Variants in ADGRF1 observed in about 807,000 individuals in gnomAD.
ADGRF1 encodes the protein adhesion G protein-coupled receptor F1, also known as G protein-coupled receptor 110.
In ADGRF1, 85 loss-of-function variants were observed where a neutral mutation model predicts 87.2. The ratio of observed to expected loss-of-function variants is 0.97; its 90% CI spans 0.82 to 1.17. The LOEUF (loss-of-function observed/expected upper bound fraction) is 1.17, where lower values mean the gene tolerates loss of function less well. Among genes scored for constraint, ADGRF1 ranks in the 50% most tolerant of loss-of-function variants. The probability of loss-of-function intolerance (pLI) is 0.00; values close to 1 mark genes in which losing one functional copy is unlikely to be tolerated. For missense variants in ADGRF1, 1,169 were observed against 1,077.2 expected, an observed-to-expected ratio of 1.09 and a Z score of -1.19; for synonymous variants, 430 against 408.8, an observed-to-expected ratio of 1.05 and a Z score of -0.63.
At chr6:47,039,735 G>C (rs1780683582) in intron 1 of ADGRF1, among the ~76,000 whole-genome samples, 1 of 152,184 alleles carries the variant, frequency 6.6e-6, no homozygotes, top group South Asian at 2.1e-4. Flanking sequence ...ACCAAGGCCG[G>C]TGGATTACTT....
intron 13 of ADGRF1, among the ~76,000 whole-genome samples, chr6:47,003,493 T>C (rs867444719): frequency 1.3e-5 from 2 of 152,166 alleles, no homozygotes; most frequent in African/African-American, 4.8e-5. Context: ...ATAGAAAACA[T>C]TTGCATCTCT....
chr6:47,027,517 T>C (rs1350593507), intron 3 of ADGRF1, among the ~76,000 whole-genome samples, 187 bp downstream of exon 3: 1 of 152,224 alleles, frequency 6.6e-6, no homozygotes, highest in Admixed American at 6.5e-5. Context: ...GACACTGTGC[T>C]CTCATGATAT....
intron 1 of ADGRF1, among the ~76,000 whole-genome samples, chr6:47,038,402 T>C (rs1444186916): frequency 2.0e-5 from 3 of 152,232 alleles, no homozygotes; most frequent in Non-Finnish European, 1.5e-5. Context: ...TGAAACAGTT[T>C]TTTATCCAGA....
intron 11 of ADGRF1, among the ~76,000 whole-genome samples, chr6:47,008,270 T>G (rs533244802): frequency 6.0e-4 from 92 of 152,318 alleles, no homozygotes; most frequent in African/African-American, 2.1e-3. Context: ...CTCGTCCAGA[T>G]TCATCAAAAC....
At chr6:47,033,544 C>T (rs939095406) in intron 1 of ADGRF1, among the ~76,000 whole-genome samples, 5 of 152,244 alleles carry the variant, frequency 3.3e-5, no homozygotes, top group East Asian at 3.8e-4. Flanking sequence ...GTTTCTTTCT[C>T]TATAAACAGA....
In ADGRF1 at chr6:47,009,136, T is replaced by C. The variant is rs1779618248; in HGVS notation, c.2299A>G (p.Thr767Ala). 6.2e-7 allele frequency: 1 copy of C among 1,614,052 alleles called. No homozygotes were observed. Among genetic ancestry groups the C allele is most frequent in the Non-Finnish European group, 8.5e-7 (1 of 1,180,004 alleles). Residue 767 changes from threonine (T) to alanine (A), a missense_variant, in exon 11 of 15, where the codon ACA (threonine) becomes GCA (alanine). Thr to Ala is a moderately conservative substitution (Grantham distance 58, BLOSUM62 0). Coordinates refer to ENST00000371253, the MANE Select transcript of ADGRF1 (RefSeq NM_153840.4). ...CCAACAGTCGGCCTCCAGAGCTTTG[T>C]GAGAACTAGCAGCACCACAACGAAG... ...VNFVVVLLVLTKLWRPTVGER... is the reference protein window; with the variant it reads ...VNFVVVLLVLAKLWRPTVGER...
intron 10 of ADGRF1, 102 bp from the exon 11 acceptor site, chr6:47,010,420 G>A: frequency 1.0e-6 from 1 of 964,972 alleles, no homozygotes; most frequent in Non-Finnish European, 1.5e-6. Flanking sequence ...AATGCCCAGA[G>A]AATTGGCTCA....
chr6:47,040,231 G>A (rs879838090), intron 1 of ADGRF1, among the ~76,000 whole-genome samples: 32 of 152,260 alleles, frequency 2.1e-4, no homozygotes, highest in Non-Finnish European at 3.1e-4. Flanking sequence ...TTGGGAGGCC[G>A]AGACAGGAGG....
intron 1 of ADGRF1, among the ~76,000 whole-genome samples, chr6:47,034,514 C>T (rs1780532075): frequency 6.6e-6 from 1 of 152,214 alleles, no homozygotes; most frequent in Non-Finnish European, 1.5e-5. Flanking sequence ...AGTCACTCCT[C>T]CCCCAGGACA....
intron 13 of ADGRF1, among the ~76,000 whole-genome samples, chr6:47,004,270 G>A (rs1582135753): frequency 6.6e-6 from 1 of 152,104 alleles, no homozygotes; most frequent in Non-Finnish European, 1.5e-5. Flanking sequence ...TTGGGGTCCT[G>A]CTTTTTCATT....
intron 3 of ADGRF1, among the ~76,000 whole-genome samples, chr6:47,026,204 A>G (rs1780228559): frequency 6.6e-6 from 1 of 152,128 alleles, no homozygotes; most frequent in African/African-American, 2.4e-5. Flanking sequence ...CACGCCAAAT[A>G]TACGTCTGTC....
chr6:46,999,606 C>G lies in ADGRF1; in HGVS notation c.*616G>C, dbSNP rs1156315204. ...AAAAATACCACATTATATATCATAT[C>G]ACATTATTATACTTTCTGATAAATG... On this transcript the variant is annotated 3_prime_UTR_variant, in exon 15 of 15. Coordinates refer to ENST00000371253, the MANE Select transcript of ADGRF1 (RefSeq NM_153840.4). 1 of 152,278 alleles carries G rather than the reference C, an allele frequency of 6.6e-6. No individual in the cohort carries two copies. The highest frequency in any genetic ancestry group is 1.5e-5 in the Non-Finnish European group (1 of 68,136). The allele number at this position is 152,278 out of a possible 1,614,324, so 9.4% of individuals were successfully genotyped here.
At chr6:47,031,902 G>C (rs377088435) in intron 1 of ADGRF1, among the ~76,000 whole-genome samples, 1 of 151,882 alleles carries the variant, frequency 6.6e-6, no homozygotes, top group Non-Finnish European at 1.5e-5. Flanking sequence ...GTAGAGACAA[G>C]GTTTCACTAT....
chr6:47,039,665 A>T (rs1043649253), intron 1 of ADGRF1, among the ~76,000 whole-genome samples: 7 of 152,184 alleles, frequency 4.6e-5, no homozygotes, highest in Admixed American at 1.3e-4. Context: ...TTTCACATCT[A>T]TTAAAACCAT....
At chr6:47,005,702 G>C (rs549509758) in intron 13 of ADGRF1, 115 bp downstream of exon 13, 7 of 645,064 alleles carry the variant, frequency 1.1e-5, no homozygotes, top group African/African-American at 1.8e-5. Context: ...GAATATAATG[G>C]TGAAAGAAAT....
chr6:47,016,027 T>C (rs819495), intron 8 of ADGRF1, among the ~76,000 whole-genome samples: 62,943 of 151,932 alleles, frequency 0.41, 14,957 homozygotes, highest in African/African-American at 0.67. Context: ...CGTGAGCCAC[T>C]GCACCCAGCC....
intron 12 of ADGRF1, 79 bp downstream of exon 12, chr6:47,007,174 G>A: frequency 1.2e-6 from 1 of 804,602 alleles, no homozygotes; most frequent in Non-Finnish European, 2.0e-6. Context: ...CTTATTATAT[G>A]AATAAAGGCC....
At chr6:47,007,161 C>T (rs1003785672) in intron 12 of ADGRF1, 92 bp downstream of exon 12, 3 of 692,634 alleles carry the variant, frequency 4.3e-6, no homozygotes, top group Non-Finnish European at 7.3e-6. Flanking sequence ...AATAGTCCCA[C>T]CTCTTATTAT....
intron 1 of ADGRF1, among the ~76,000 whole-genome samples, chr6:47,032,181 A>T (rs1180891189): frequency 6.6e-6 from 1 of 152,220 alleles, no homozygotes; most frequent in Non-Finnish European, 1.5e-5. Flanking sequence ...TTAAAAAAAT[A>T]AAAATAAAAT....
Sources: gnomAD v4.1 joint callset for allele counts (sites outside exome capture counted in the v4.1 genomes callset) on GRCh38, gnomAD v4.1.1 for gene constraint, MANE v1.5 for transcripts, NCBI Gene and HGNC (gene_info 2026-07-23, HGNC 2026-07-21) for gene names.